ARHGEF4: variants seen among roughly 807,000 people sequenced by gnomAD.
ARHGEF4 encodes the protein Rho guanine nucleotide exchange factor 4.
ARHGEF4 carries 119 observed loss-of-function variants against 162.0 expected under a neutral mutation model. The ratio of observed to expected loss-of-function variants is 0.73; its 90% CI spans 0.63 to 0.86. The LOEUF (loss-of-function observed/expected upper bound fraction) is 0.86. ARHGEF4 is among the 40% of genes least tolerant of loss of function. The probability of loss-of-function intolerance (pLI) is 0.00; values close to 1 mark genes in which losing one functional copy is unlikely to be tolerated. For missense variants in ARHGEF4, 2,488 were observed against 2,456.0 expected (o/e 1.01, Z -0.28); for synonymous variants, 1,014 against 979.9 (o/e 1.03, Z -0.65).
At chr2:130,900,817 A>G (rs373686860) in intron 1 of ARHGEF4, among the ~76,000 whole-genome samples, 4 of 152,300 alleles carry the variant, frequency 2.6e-5, no homozygotes, top group African/African-American at 9.6e-5. Flanking sequence ...TAGATCTTCT[A>G]TTGTAGCAAG....
At chr2:130,950,276 C>T (rs1449872520) in intron 4 of ARHGEF4, among the ~76,000 whole-genome samples, 14 of 152,128 alleles carry the variant, frequency 9.2e-5, no homozygotes, top group Non-Finnish European at 1.8e-4. Context: ...GGGAGCAGGC[C>T]ACCTCTCCCT....
chr2:131,037,851 G>C (rs1404914441), intron 5 of ARHGEF4, among the ~76,000 whole-genome samples: 1 of 147,242 alleles, frequency 6.8e-6, no homozygotes. Context: ...TGGTTGACTG[G>C]GTAACACTGC....
At chr2:130,850,983 T>C (rs1681370752) in intron 1 of ARHGEF4, among the ~76,000 whole-genome samples, 1 of 152,188 alleles carries the variant, frequency 6.6e-6, no homozygotes, top group Non-Finnish European at 1.5e-5. Context: ...AGTTCCGACT[T>C]TGGGCCGTTC....
chr2:130,900,466 C>T (rs1435461294), intron 1 of ARHGEF4, among the ~76,000 whole-genome samples: 2 of 152,164 alleles, frequency 1.3e-5, no homozygotes, highest in Non-Finnish European at 2.9e-5. Context: ...GTCTTCTATG[C>T]CCTCCATTCT....
chr2:130,909,120 G>A (rs547564776), intron 1 of ARHGEF4, among the ~76,000 whole-genome samples: 5 of 152,116 alleles, frequency 3.3e-5, no homozygotes, highest in Non-Finnish European at 7.3e-5. Flanking sequence ...GCAGTTGAAC[G>A]CATGCCCCTA....
intron 1 of ARHGEF4, among the ~76,000 whole-genome samples, chr2:130,872,184 T>G (rs537367053): frequency 1.3e-5 from 2 of 152,308 alleles, no homozygotes; most frequent in South Asian, 4.1e-4. Context: ...GCCATGTTGA[T>G]AAAGTGGATT....
At chr2:131,040,604 T>C (rs1304463867) in intron 8 of ARHGEF4, among the ~76,000 whole-genome samples, 164 bp downstream of exon 8, 1 of 152,176 alleles carries the variant, frequency 6.6e-6, no homozygotes, top group Non-Finnish European at 1.5e-5. Context: ...AGGACAGTTT[T>C]AGGATGGTCT....
At chr2:131,039,756 C>A in intron 6 of ARHGEF4, 1 of 1,368,756 alleles carries the variant, frequency 7.3e-7, no homozygotes, top group Non-Finnish European at 9.4e-7. Flanking sequence ...GCCTCTGTGC[C>A]GGGCACAAGC....
At chr2:130,944,407 C>T (rs1177326372) in intron 3 of ARHGEF4, among the ~76,000 whole-genome samples, 3 of 152,194 alleles carry the variant, frequency 2.0e-5, no homozygotes, top group Non-Finnish European at 4.4e-5. Flanking sequence ...GAGTATTAGA[C>T]CTTTGTTGTT....
At chr2:130,898,377 G>C (rs55636123) in intron 1 of ARHGEF4, among the ~76,000 whole-genome samples, 3,740 of 152,264 alleles carry the variant, frequency 0.025, 174 homozygotes, top group East Asian at 0.19. Flanking sequence ...CGGTTATGTC[G>C]CTTCTCCAGG....
intron 3 of ARHGEF4, among the ~76,000 whole-genome samples, chr2:130,943,962 T>TAGAATAGAATAGGTA (rs1683457054): frequency 6.6e-6 from 1 of 152,236 alleles, no homozygotes; most frequent in Non-Finnish European, 1.5e-5. Flanking sequence ...TCCTTTAACA[T>TAGAATAGAATAGGTA]TGCTTTAGAA....
chr2:131,011,533 A>C, intron 4 of ARHGEF4: 3 of 1,215,914 alleles, frequency 2.5e-6, no homozygotes, highest in East Asian at 5.1e-5. Context: ...GCTCCCGTGA[A>C]TATCAGGACC....
At chr2:130,979,461 C>T (rs1434302014) in intron 4 of ARHGEF4, among the ~76,000 whole-genome samples, 3 of 152,098 alleles carry the variant, frequency 2.0e-5, no homozygotes, top group East Asian at 3.9e-4. Flanking sequence ...ATTGGCCAGG[C>T]GTGATGGCTC....
At position 130,916,065 on chromosome 2, in the gene ARHGEF4, G is replaced by T; in HGVS notation, c.2119G>T (p.Val707Leu). 6.5e-7 allele frequency: 1 copy of T among 1,550,280 alleles called. No individual in the cohort carries two copies. Among genetic ancestry groups the T allele is most frequent in the Non-Finnish European group, 8.7e-7 (1 of 1,146,902 alleles). The change falls in exon 2 of 14, where the codon GTG (valine) becomes TTG (leucine). Residue 707 changes from valine to leucine, a missense_variant. Physicochemically the swap from Val to Leu is conservative, Grantham distance 32 (BLOSUM62 1). Around this residue, in one of 6 missense-constraint regions of ARHGEF4, gnomAD observed 1,642 missense variants for 1,481.5 expected, o/e 1.11. Transcript: ENST00000409359. Reference sequence around the variant, plus strand: ...AGCTGGCGATGGGGCTCTTCAGCGGGTGGCCCAGGCCGCAGAGCTTGGGAG... The same window carrying T: ...AGCTGGCGATGGGGCTCTTCAGCGGTTGGCCCAGGCCGCAGAGCTTGGGAG... ...QGAGDGALQRVAQAAELGRVL... is the reference protein window; with the variant it reads ...QGAGDGALQRLAQAAELGRVL...
chr2:131,044,168 TCTCA>T (rs1250754319), intron 11 of ARHGEF4, 127 bp from the exon 12 acceptor site: 3 of 1,349,596 alleles, frequency 2.2e-6, no homozygotes, highest in African/African-American at 2.9e-5. Context: ...GCCCTCAGGA[TCTCA>T]CTGTCTGCTG....
intron 3 of ARHGEF4, among the ~76,000 whole-genome samples, chr2:130,944,044 A>G (rs1683464331): frequency 6.6e-6 from 1 of 152,174 alleles, no homozygotes. Context: ...TTCATTCCTG[A>G]ACATACTTTT....
At chr2:131,002,562 T>C (rs904972748) in intron 4 of ARHGEF4, among the ~76,000 whole-genome samples, 3 of 151,850 alleles carry the variant, frequency 2.0e-5, no homozygotes, top group African/African-American at 7.3e-5. Flanking sequence ...TACAAAAAAT[T>C]AGCTGGGCGT....
chr2:130,971,971 G>A (rs955713177), intron 4 of ARHGEF4, among the ~76,000 whole-genome samples: 4 of 152,230 alleles, frequency 2.6e-5, no homozygotes, highest in Non-Finnish European at 5.9e-5. Context: ...GGCCCCATAA[G>A]CCAGGTACTA....
chr2:130,893,656 C>T (rs956905159), intron 1 of ARHGEF4, among the ~76,000 whole-genome samples: 1 of 152,122 alleles, frequency 6.6e-6, no homozygotes, highest in Non-Finnish European at 1.5e-5. Flanking sequence ...AGAAACTCTT[C>T]CCTACTTTGC....
Sources: allele counts gnomAD v4.1 joint callset (sites outside exome capture counted in the v4.1 genomes callset), GRCh38; gene constraint gnomAD v4.1.1; regional missense constraint gnomAD v4.1.1; transcripts MANE v1.5; gene names NCBI Gene and HGNC (gene_info 2026-07-23, HGNC 2026-07-21).